NSD1: variants seen among roughly 807,000 people sequenced by gnomAD.
The protein encoded by NSD1 is histone-lysine N-methyltransferase, H3 lysine-36 specific.
NSD1 carries 26 observed loss-of-function variants against 242.7 expected under a neutral mutation model. The observed-to-expected ratio is 0.11, with a 90% CI of 0.08 to 0.15. The LOEUF is 0.15. Ranked by LOEUF, NSD1 falls within the 10% of genes least tolerant of loss-of-function variation. NSD1 has a pLI of 1.00. For missense variants in NSD1, 2,495 were observed against 3,272.8 expected (o/e 0.76, Z 5.80); for synonymous variants, 1,106 against 1,178.1 (o/e 0.94, Z 1.25).
intron 2 of NSD1, among the ~76,000 whole-genome samples, chr5:177,151,382 T>TTTTTTA (rs1358648219): frequency 4.6e-5 from 7 of 152,128 alleles, no homozygotes; most frequent in South Asian, 2.1e-4. Flanking sequence ...AGACTCAGTC[T>TTTTTTA]TTTTTATTTT....
At chr5:177,181,852 CAT>C (rs906225961) in intron 2 of NSD1, among the ~76,000 whole-genome samples, 39 of 150,302 alleles carry the variant, frequency 2.6e-4, no homozygotes, top group African/African-American at 9.5e-4. Flanking sequence ...TCCGGGGAAA[CAT>C]AAAAATTTAA....
rs751035862 is a variant in NSD1, at chr5:177,228,699, T to A, written c.3797-7122T>A. Among the ~76,000 whole-genome samples the A allele has an allele frequency of 2.8e-4, 43 of 152,292 alleles. No homozygotes were observed. The South Asian group carries it at 3.7e-3, about 13-fold the overall frequency. On this transcript the variant is annotated intron_variant, in intron 5 of 22. Coordinates refer to ENST00000439151, the MANE Select transcript of NSD1 (RefSeq NM_022455.5). ...TAGTATTCTAGTCCTTTGGAAAAATTCACCATTTTAATGAAAAGGAGAAAA... is the reference window on the plus strand; with the variant it reads ...TAGTATTCTAGTCCTTTGGAAAAATACACCATTTTAATGAAAAGGAGAAAA...
rs753688009 is a variant in NSD1 at position 177,210,513 on chromosome 5, G to A, written c.2114G>A (p.Ser705Asn). ...AAAGCAAAACAGAAGCCTCTCATTA[G>A]TAACTCACATACAGACCACTTAATG... ...RVKAKQKPLI[S>N]NSHTDHLMGC... Residue 705 changes from serine (S) to asparagine (N), a missense_variant, in exon 5 of 23, where the codon AGT becomes AAT. Physicochemically the swap from Ser to Asn is conservative, Grantham distance 46. This residue lies in a region of NSD1 where 515 missense variants were observed against 467.0 expected (regional missense o/e 1.10). Coordinates refer to ENST00000439151, the MANE Select transcript of NSD1 (RefSeq NM_022455.5). The A allele has an allele frequency of 1.9e-6, 3 of 1,614,172 alleles. No individual in the cohort carries two copies. The South Asian group carries it at 3.3e-5, about 18-fold the overall frequency.
chr5:177,183,924 A>G (rs1274151739), intron 2 of NSD1, among the ~76,000 whole-genome samples: 1 of 152,212 alleles, frequency 6.6e-6, no homozygotes, highest in African/African-American at 2.4e-5. Flanking sequence ...TTCATCTAAC[A>G]TAATGATCTC....
intron 13 of NSD1, among the ~76,000 whole-genome samples, chr5:177,258,729 T>C (rs2149915951): frequency 6.6e-6 from 1 of 152,138 alleles, no homozygotes; most frequent in East Asian, 1.9e-4. Flanking sequence ...AGAGACAGGG[T>C]TTCATCATAT....
At position 177,273,688 on chromosome 5, in the gene NSD1, A is replaced by T. The variant is rs1402879716; in HGVS notation, c.5526A>T (p.Ala1842=). Residue 1842 remains alanine, a synonymous_variant, in exon 17 of 23, where the codon GCA becomes GCT. Transcript: ENST00000439151. ...GTYKKALQEA[A]ARFEELKAQK... ...TTTTCATAGCTCTTCAGGAAGCTGC[A>T]GCAAGGTTTGAGGAATTAAAGGCCC... is the stretch of plus-strand genomic sequence containing the variant. 1 of 1,613,468 alleles carries T rather than the reference A, an allele frequency of 6.2e-7. No homozygotes were observed. Among genetic ancestry groups the T allele is most frequent in the South Asian group, 1.1e-5 (1 of 91,082 alleles).
intron 14 of NSD1, among the ~76,000 whole-genome samples, chr5:177,263,562 T>A (rs1286740017): frequency 6.6e-6 from 1 of 152,210 alleles, no homozygotes; most frequent in African/African-American, 2.4e-5. Context: ...CACCTTAGTT[T>A]TATTATATCT....
At chr5:177,227,417 A>C (rs1417786274) in intron 5 of NSD1, among the ~76,000 whole-genome samples, 1 of 152,184 alleles carries the variant, frequency 6.6e-6, no homozygotes. Flanking sequence ...CAGGATGATA[A>C]CAATATTCAT....
chr5:177,198,793 G>T (rs1762293251), intron 3 of NSD1, among the ~76,000 whole-genome samples: 1 of 152,034 alleles, frequency 6.6e-6, no homozygotes, highest in South Asian at 2.1e-4. Context: ...TCTTTATCCA[G>T]GCTTTAGATT....
chr5:177,236,009 G>A (rs1184281814), intron 6 of NSD1, 64 bp downstream of exon 6: 3 of 1,545,880 alleles, frequency 1.9e-6, no homozygotes, highest in African/African-American at 2.7e-5. Context: ...TATCTTCAAT[G>A]TCATACTTTA....
In NSD1 at chr5:177,135,689, G is replaced by T; in HGVS notation, c.586G>T (p.Glu196Ter). 6.2e-7 allele frequency: 1 copy of T among 1,614,204 alleles called. No individual in the cohort carries two copies. The highest frequency in any genetic ancestry group is 8.5e-7 in the Non-Finnish European group (1 of 1,180,050). ...TCAGACCAATGCCACCTGCAATTAT[G>T]AGACTAAATCAGAGAATGGTGTAAA... is the stretch of plus-strand genomic sequence containing the variant. Reference protein sequence around the residue: ...ETQTNATCNYETKSENGVKVA... With the variant: ...ETQTNATCNY The change falls in exon 2 of 23, where the codon GAG becomes TAG. Residue 196 changes from glutamate (E) to a stop codon, truncating the protein, a stop_gained. Coordinates refer to ENST00000439151, the MANE Select transcript of NSD1 (RefSeq NM_022455.5). LOFTEE classifies it high-confidence loss of function.
At chr5:177,198,289 G>A (rs1345354474) in intron 3 of NSD1, among the ~76,000 whole-genome samples, 1 of 152,124 alleles carries the variant, frequency 6.6e-6, no homozygotes, top group African/African-American at 2.4e-5. Flanking sequence ...GCCTCCCAAC[G>A]TGCTGAGATT....
At chr5:177,288,587 T>C (rs1234396139) in intron 20 of NSD1, 2 of 472,102 alleles carry the variant, frequency 4.2e-6, no homozygotes. Context: ...TTAACACCTC[T>C]GGAGGAAGAG....
chr5:177,259,726 G>C (rs1756832647), intron 13 of NSD1, among the ~76,000 whole-genome samples: 1 of 152,130 alleles, frequency 6.6e-6, no homozygotes. Context: ...CTAGTTGTCA[G>C]GACAGTGGTT....
At chr5:177,185,801 A>T (rs10434695) in intron 2 of NSD1, among the ~76,000 whole-genome samples, 4 of 55,510 alleles carry the variant, frequency 7.2e-5, no homozygotes, top group Non-Finnish European at 9.8e-5. Context: ...ATATATATAT[A>T]TATATAAATT....
rs1422098233 is a variant in NSD1 at position 177,212,171 on chromosome 5, C to T, written c.3772C>T (p.Pro1258Ser). Reference sequence around the variant, plus strand: ...GGAGCCAGGAATTCCCAGTTTGACACCACAGGCTGAGCTCCCTGAACCAGG... The same window carrying T: ...GGAGCCAGGAATTCCCAGTTTGACATCACAGGCTGAGCTCCCTGAACCAGG... ...EKEPGIPSLTPQAELPEPAVR... is the reference protein window; with the variant it reads ...EKEPGIPSLTSQAELPEPAVR... The change falls in exon 5 of 23, where the codon CCA becomes TCA. Residue 1258 changes from proline (P) to serine (S), a missense_variant. Physicochemically the swap from Pro to Ser is moderately conservative, Grantham distance 74. Coordinates refer to ENST00000439151, the MANE Select transcript of NSD1 (RefSeq NM_022455.5). 1.9e-6 allele frequency: 3 copies of T among 1,613,888 alleles called. No individual in the cohort carries two copies. The highest frequency in any genetic ancestry group is 2.5e-6 in the Non-Finnish European group (3 of 1,180,012).
chr5:177,157,104 A>G (rs958735749), intron 2 of NSD1, among the ~76,000 whole-genome samples: 4 of 152,226 alleles, frequency 2.6e-5, no homozygotes, highest in East Asian at 1.9e-4. Flanking sequence ...ACGGTGGCTC[A>G]CAACTGTAAT....
chr5:177,176,917 A>G (rs574070384), intron 2 of NSD1, among the ~76,000 whole-genome samples: 2 of 152,168 alleles, frequency 1.3e-5, no homozygotes, highest in East Asian at 1.9e-4. Context: ...TTAATTGGAA[A>G]CTTTTTGTTT....
At chr5:177,234,225 A>T (rs1392194272) in intron 5 of NSD1, among the ~76,000 whole-genome samples, 1 of 152,234 alleles carries the variant, frequency 6.6e-6, no homozygotes, top group African/African-American at 2.4e-5. Context: ...ATCGACAAAG[A>T]GGCTCCCGTT....
Sources: allele counts gnomAD v4.1 joint callset (sites outside exome capture counted in the v4.1 genomes callset), GRCh38; gene constraint gnomAD v4.1.1; regional missense constraint gnomAD v4.1.1; transcripts MANE v1.5; gene names NCBI Gene and HGNC (gene_info 2026-07-23, HGNC 2026-07-21).